Variants in SSC5D observed in about 807,000 individuals in gnomAD.
SSC5D encodes scavenger receptor cysteine rich family member with 5 domains.
Under a neutral mutation model 104.6 loss-of-function variants are expected in SSC5D, and 106 were observed. The ratio of observed to expected loss-of-function variants is 1.01; its 90% confidence interval spans 0.87 to 1.19. The LOEUF (loss-of-function observed/expected upper bound fraction) is 1.19, where lower values mean the gene tolerates loss of function less well. Among genes scored for constraint, SSC5D ranks in the 50% most tolerant of loss-of-function variants. The pLI is 0.00. For missense variants in SSC5D, 1,993 were observed against 2,153.8 expected, an observed-to-expected ratio of 0.93 and a Z score of 1.48; for synonymous variants, 860 against 883.5, an observed-to-expected ratio of 0.97 and a Z score of 0.47.
chr19:55,507,681 A>AAG (rs1987668560), intron 12 of SSC5D, among the ~76,000 whole-genome samples: 1 of 151,340 alleles, frequency 6.6e-6, no homozygotes, highest in African/African-American at 2.4e-5. Context: ...AAAAAAAAAA[A>AAG]AAAAAAAGAA....
intron 5 of SSC5D, 65 bp downstream of exon 5, chr19:55,490,473 A>G: frequency 3.1e-6 from 2 of 638,172 alleles, no homozygotes; most frequent in Non-Finnish European, 2.7e-6. Flanking sequence ...GCCCAGAAAA[A>G]CTGAGGACCT....
In SSC5D at chr19:55,493,660, C is replaced by A; in HGVS notation, c.961C>A (p.His321Asn). 2 of 1,506,268 alleles carry A rather than the reference C, an allele frequency of 1.3e-6. No individual in the cohort carries two copies. The highest frequency in any genetic ancestry group is 1.4e-5 in the African/African-American group (1 of 70,164). 93.3% of individuals were successfully genotyped at this position (1,506,268 alleles called of 1,614,324 possible). ...GTGCGCCGGCCGCCTGGAGGTCTGG[C>A]ACGGGGGTCGCTGGGGGTCGGTGTG... The part of the protein sequence containing the change: ...HGCAGRLEVW[H>N]GGRWGSVCDD... Residue 321 changes from histidine to asparagine, a missense_variant, in exon 7 of 14, where the codon CAC becomes AAC. Around this residue, in one of 6 missense-constraint regions of SSC5D, gnomAD observed 1,101 missense variants for 1,085.0 expected, o/e 1.01. Transcript: ENST00000389623.
intron 12 of SSC5D, among the ~76,000 whole-genome samples, chr19:55,506,324 G>A (rs951397159): frequency 6.9e-6 from 1 of 144,630 alleles, no homozygotes; most frequent in African/African-American, 2.6e-5. Context: ...AGATGACATT[G>A]TAAGTCTAAG....
intron 6 of SSC5D, 143 bp downstream of exon 6, chr19:55,491,223 G>A (rs1987136033): frequency 7.8e-6 from 7 of 899,274 alleles, no homozygotes; most frequent in African/African-American, 3.4e-5. Context: ...CACTCACCAC[G>A]CTCTCCAGCC....
intron 12 of SSC5D, among the ~76,000 whole-genome samples, chr19:55,509,536 T>C (rs1987707280): frequency 6.7e-6 from 1 of 150,354 alleles, no homozygotes; most frequent in African/African-American, 2.5e-5. Flanking sequence ...GTTCACAGAA[T>C]GAGCCAGAGT....
chr19:55,517,372 C>T lies in SSC5D; in HGVS notation c.3096C>T (p.Pro1032=). Residue 1032 remains proline (P), a synonymous_variant, in exon 14 of 14, where the codon CCC becomes CCT. Coordinates refer to ENST00000389623, the MANE Select transcript of SSC5D (RefSeq NM_001144950.2). ...LTSDSSRELT[P]HSALTSEATS... ...CTGACTCCAGTCGAGAGCTCACTCC[C>T]CACTCAGCCTTGACGTCCGAGGCGA... The T allele has an allele frequency of 6.4e-7, 1 of 1,550,628 alleles. No individual in the cohort carries two copies. Among genetic ancestry groups the T allele is most frequent in the Non-Finnish European group, 8.7e-7 (1 of 1,146,922 alleles).
At position 55,500,939 on chromosome 19, in the gene SSC5D, G is replaced by A. The variant is rs962840403; in HGVS notation, c.2618-95G>A. On this transcript the variant is annotated intron_variant, in intron 11 of 13. Coordinates refer to ENST00000389623, the MANE Select transcript of SSC5D (RefSeq NM_001144950.2). The surrounding 1 kb of genome is among the most constrained non-coding windows in gnomAD (Gnocchi z 4.6). ...GGGGTCGGGGTGGGGAGATCCCAGA[G>A]TTGCTCCAGAAGATTCCAAAAGGGG... 2.0e-6 allele frequency: 3 copies of A among 1,525,948 alleles called. No homozygotes were observed. Among genetic ancestry groups the A allele is most frequent in the East Asian group, 4.9e-5 (2 of 40,822 alleles). 94.5% of individuals were successfully genotyped at this position (1,525,948 alleles called of 1,614,324 possible).
chr19:55,518,317 A>T lies in SSC5D; in HGVS notation c.4041A>T (p.Thr1347=). 2 of 1,540,864 alleles carry T rather than the reference A, an allele frequency of 1.3e-6. No individual in the cohort carries two copies. The highest frequency in any genetic ancestry group is 1.7e-6 in the Non-Finnish European group (2 of 1,144,972). The part of the protein sequence containing the change: ...TTVSLPTSLG[T]ELSSPTLAPT... ...TGTCCCTTCCAACCTCCTTGGGGAC[A>T]GAACTCTCCTCTCCCACTCTAGCAC... The change falls in exon 14 of 14, where the codon ACA becomes ACT. Residue 1347 remains threonine, a synonymous_variant. Transcript: ENST00000389623.
chr19:55,499,293 G>T (rs1020933236), intron 9 of SSC5D, among the ~76,000 whole-genome samples: 4 of 152,360 alleles, frequency 2.6e-5, no homozygotes, highest in African/African-American at 9.6e-5. Flanking sequence ...AAAGATGGAA[G>T]ATGGAGAGTG....
At chr19:55,494,192 A>G (rs76076222) in intron 7 of SSC5D, among the ~76,000 whole-genome samples, 3,131 of 152,004 alleles carry the variant, frequency 0.021, 80 homozygotes, top group East Asian at 0.13. Flanking sequence ...GTTAGAGGCC[A>G]GGGGTGTTGC....
At chr19:55,499,479 G>T (rs1000372843) in intron 9 of SSC5D, among the ~76,000 whole-genome samples, 6 of 152,158 alleles carry the variant, frequency 3.9e-5, no homozygotes, top group African/African-American at 1.4e-4. Context: ...AGGGAGACCT[G>T]TCAGAAGGTA....
At position 55,517,891 on chromosome 19, in the gene SSC5D, C is replaced by G. The variant is rs1224281400; in HGVS notation, c.3615C>G (p.Pro1205=). The G allele has an allele frequency of 1.3e-6, 2 of 1,544,630 alleles. No individual in the cohort carries two copies. The highest frequency in any genetic ancestry group is 2.0e-5 in the Admixed American group (1 of 50,418). The change falls in exon 14 of 14, where the codon CCC becomes CCG. Residue 1205 remains proline (P), a synonymous_variant. Transcript: ENST00000389623. ...MIPDPTTTPQ[P]FTTITHSTMI... is the part of the protein sequence containing the mutation. The stretch of plus-strand genomic sequence containing the variant: ...CTGACCCCACCACAACCCCTCAACC[C>G]TTCACCACCATCACTCACTCCACCA...
chr19:55,517,411 G>C lies in SSC5D; in HGVS notation c.3135G>C (p.Pro1045=). 1 of 1,550,776 alleles carries C rather than the reference G, an allele frequency of 6.4e-7. No individual in the cohort carries two copies. The highest frequency in any genetic ancestry group is 1.4e-5 in the African/African-American group (1 of 72,984). ...CGTCCGAGGCGACCTCTGACGCTCC[G>C]GACACTTCACCACCCACCCCAGACC... The part of the protein sequence containing the change: ...ALTSEATSDA[P]DTSPPTPDPA... The change falls in exon 14 of 14, where the codon CCG becomes CCC. Residue 1045 remains proline, a synonymous_variant. Coordinates refer to ENST00000389623, the MANE Select transcript of SSC5D (RefSeq NM_001144950.2).
intron 12 of SSC5D, 47 bp downstream of exon 12, chr19:55,501,248 C>A: frequency 1.4e-6 from 2 of 1,464,702 alleles, no homozygotes; most frequent in Non-Finnish European, 9.0e-7. Context: ...CATAAACCTC[C>A]ATTCGCTTCC....
At position 55,500,295 on chromosome 19, in the gene SSC5D, A is replaced by G; in HGVS notation, c.2185A>G (p.Thr729Ala). Residue 729 changes from threonine to alanine, a missense_variant, in exon 10 of 14, where the codon ACT (threonine) becomes GCT (alanine). Physicochemically the swap from Thr to Ala is moderately conservative, Grantham distance 58 (BLOSUM62 0). Coordinates refer to ENST00000389623, the MANE Select transcript of SSC5D (RefSeq NM_001144950.2). The surrounding 1 kb of genome is among the most constrained non-coding windows in gnomAD (Gnocchi z 4.6). ...QGPQEMTSES[T>A]IKSIPQASLE... ...CCCCCAAGAAATGACCTCTGAGTCC[A>G]CTATCAAGAGTATCCCTCAGGCCTC... The G allele has an allele frequency of 2.6e-6, 4 of 1,551,224 alleles. No homozygotes were observed. Among genetic ancestry groups the G allele is most frequent in the Non-Finnish European group, 3.5e-6 (4 of 1,146,956 alleles).
At chr19:55,509,904 C>T (rs1019621458) in intron 12 of SSC5D, among the ~76,000 whole-genome samples, 10 of 148,752 alleles carry the variant, frequency 6.7e-5, no homozygotes, top group Admixed American at 4.7e-4. Flanking sequence ...AAGAAATACG[C>T]GTATGAGAAT....
At chr19:55,516,104 A>C (rs565338990) in intron 13 of SSC5D, among the ~76,000 whole-genome samples, 1 of 152,306 alleles carries the variant, frequency 6.6e-6, no homozygotes, top group Non-Finnish European at 1.5e-5. Flanking sequence ...GGGGGTGCCC[A>C]AAACGCCAAA....
intron 6 of SSC5D, chr19:55,492,016 AG>A: frequency 6.5e-6 from 1 of 152,868 alleles, no homozygotes; most frequent in Non-Finnish European, 1.5e-5. Flanking sequence ...GTGGGTATCC[AG>A]GGGGGAGAGA....
chr19:55,489,318 C>T, intron 2 of SSC5D, 36 bp from the exon 3 acceptor site: 1 of 1,422,642 alleles, frequency 7.0e-7, no homozygotes. Context: ...CCCCAGGATG[C>T]CCCTCCCCAG....
Sources: gnomAD v4.1 joint callset for allele counts (sites outside exome capture counted in the v4.1 genomes callset) on GRCh38, gnomAD v4.1.1 for gene constraint, gnomAD v4.1.1 regional missense constraint, Gnocchi (gnomAD v3.1) non-coding constraint, MANE v1.5 for transcripts, NCBI Gene and HGNC (gene_info 2026-07-23, HGNC 2026-07-21) for gene names.